The following CIITA variants were observed in gnomAD, a reference collection of about 807,000 sequenced individuals.
CIITA encodes the protein class II major histocompatibility complex transactivator, also known as MHC class II transactivator.
CIITA carries 72 observed loss-of-function variants against 115.1 expected under a neutral mutation model. The observed-to-expected ratio is 0.63, with a 90% CI of 0.52 to 0.76. CIITA has a LOEUF of 0.76. Among genes scored for constraint, CIITA ranks in the 30% least tolerant of loss-of-function variants. CIITA has a pLI of 0.00. For missense variants in CIITA, 1,617 were observed against 1,463.8 expected (o/e 1.10, Z -1.71); for synonymous variants, 763 against 635.6 (o/e 1.20, Z -3.02).
rs1596553722 is a variant in CIITA, at chr16:10,907,460, C to A, written c.1968C>A (p.Ala656=). The A allele has an allele frequency of 6.2e-7, 1 of 1,613,472 alleles. No homozygotes were observed. The highest frequency in any genetic ancestry group is 1.1e-5 in the South Asian group (1 of 91,084). Residue 656 remains alanine (A), a synonymous_variant, in exon 11 of 20, where the codon GCC becomes GCA. Transcript: ENST00000324288. This position sits in a 1 kb window ranked among gnomAD's most constrained non-coding sequence, Gnocchi z 5.0. ...GRAALDSPPG[A]LAELAKLAWE... ...CAGCCCTCGACAGCCCCCCCGGGGC[C>A]CTGGCAGAGCTGGCCAAGCTGGCCT... is the stretch of plus-strand genomic sequence containing the variant.
At chr16:10,897,363 A>G (rs1321178908) in intron 3 of CIITA, among the ~76,000 whole-genome samples, 1 of 152,144 alleles carries the variant, frequency 6.6e-6, no homozygotes, top group African/African-American at 2.4e-5. Flanking sequence ...ACAACCCATT[A>G]ACTTATTAAC....
chr16:10,927,403 G>A lies in CIITA; in HGVS notation c.*3548G>A, dbSNP rs2040575692. 1.3e-5 allele frequency: 2 copies of A among 152,254 alleles called. No homozygotes were observed. Among genetic ancestry groups the A allele is most frequent in the Non-Finnish European group, 2.9e-5 (2 of 68,060 alleles). The allele number at this position is 152,254 out of a possible 1,614,324, so 9.4% of individuals were successfully genotyped here. A position where few individuals can be genotyped will look rare whatever the true frequency, so the allele number is the denominator to read the frequency against. ...GCCCTCTGTACCCAGCAAGGCGCCT[G>A]TGTATAATAGGTGCTCAATAACATA... On this transcript the variant is annotated 3_prime_UTR_variant, in exon 20 of 20. Transcript: ENST00000324288.
At chr16:10,884,030 A>G (rs1168397703) in intron 1 of CIITA, among the ~76,000 whole-genome samples, 4 of 145,678 alleles carry the variant, frequency 2.7e-5, no homozygotes, top group African/African-American at 1.0e-4. Flanking sequence ...TGGTTTGTTT[A>G]CATGAGGGTT....
rs1379463795 is a variant in CIITA, at chr16:10,909,057, T to C, written c.2686T>C (p.Trp896Arg). The C allele has an allele frequency of 6.2e-7, 1 of 1,613,978 alleles. No individual in the cohort carries two copies. Among genetic ancestry groups the C allele is most frequent in the East Asian group, 2.2e-5 (1 of 44,896 alleles). ...TGCCTTGAGCGACACGGTGGCGCTGTGGGAGTCCCTGCAGCAGCATGGGGA... is the reference window on the plus strand; with the variant it reads ...TGCCTTGAGCGACACGGTGGCGCTGCGGGAGTCCCTGCAGCAGCATGGGGA... ...RAALSDTVAL[W>R]ESLQQHGETK... is the part of the protein sequence containing the mutation. The change falls in exon 12 of 20, where the codon TGG (tryptophan) becomes CGG (arginine). Residue 896 changes from tryptophan (W) to arginine (R), a missense_variant. Physicochemically the swap from Trp to Arg is moderately radical, Grantham distance 101. Coordinates refer to ENST00000324288, the MANE Select transcript of CIITA (RefSeq NM_000246.4).
chr16:10,893,980 T>A (rs186140599), intron 1 of CIITA, among the ~76,000 whole-genome samples: 1 of 152,092 alleles, frequency 6.6e-6, no homozygotes, highest in Non-Finnish European at 1.5e-5. Flanking sequence ...AAAATCCCTC[T>A]CTGCCAAGCC....
intron 3 of CIITA, among the ~76,000 whole-genome samples, 177 bp downstream of exon 3, chr16:10,895,941 G>T (rs1021556728): frequency 6.6e-6 from 1 of 151,992 alleles, no homozygotes; most frequent in African/African-American, 2.4e-5. Context: ...GAGGGGAGAT[G>T]GAGGCCAGTG....
chr16:10,868,870 G>A (rs2035278820), intron 1 of CIITA, among the ~76,000 whole-genome samples: 1 of 152,214 alleles, frequency 6.6e-6, no homozygotes, highest in Non-Finnish European at 1.5e-5. Context: ...GGAGCTGGGA[G>A]GGGTGCAGGG....
intron 1 of CIITA, among the ~76,000 whole-genome samples, chr16:10,893,103 C>G (rs1184794836): frequency 6.6e-6 from 1 of 152,082 alleles, no homozygotes; most frequent in African/African-American, 2.4e-5. Flanking sequence ...CACAAGACCA[C>G]AAGTCAAGGA....
chr16:10,941,465 G>A lies in CIITA; in HGVS notation n.591G>A, dbSNP rs2041100855. Reference sequence around the variant, plus strand: ...CCAGTTAGACCTGGAGGAGGTGAACGGAGGAGAAGCCTGAGGGAGGGGTGT... The same window carrying A: ...CCAGTTAGACCTGGAGGAGGTGAACAGAGGAGAAGCCTGAGGGAGGGGTGT... On this transcript the variant is annotated non_coding_transcript_exon_variant, in exon 2 of 2. Coordinates refer to the CIITA transcript ENST00000573379. The surrounding 1 kb of genome is among the most constrained non-coding windows in gnomAD (Gnocchi z 6.4). 2 of 1,168,386 alleles carry A rather than the reference G, an allele frequency of 1.7e-6. No individual in the cohort carries two copies. Among genetic ancestry groups the A allele is most frequent in the Non-Finnish European group, 2.2e-6 (2 of 902,364 alleles). The allele number at this position is 1,168,386 out of a possible 1,614,324, so 72.4% of individuals were successfully genotyped here. A position where few individuals can be genotyped will look rare whatever the true frequency, so the allele number is the denominator to read the frequency against.
intron 1 of CIITA, among the ~76,000 whole-genome samples, chr16:10,893,488 C>G (rs1176561776): frequency 6.6e-6 from 1 of 152,122 alleles, no homozygotes; most frequent in African/African-American, 2.4e-5. Context: ...GTTTTAACAG[C>G]TTTATTGAGA....
Position 10,901,452 on chromosome 16 carries a change from G to C in CIITA, c.437-62G>C. On this transcript the variant is annotated intron_variant, in intron 5 of 19. Coordinates refer to ENST00000324288, the MANE Select transcript of CIITA (RefSeq NM_000246.4). This position sits in a 1 kb window ranked among gnomAD's most constrained non-coding sequence, Gnocchi z 6.8. ...AGGCCGTATAGCCTGCTAGAGTCCT[G>C]AGCCCCTTCTGGCTTGGGACATCCT... 6.3e-7 allele frequency: 1 copy of C among 1,580,114 alleles called. No individual in the cohort carries two copies. Among genetic ancestry groups the C allele is most frequent in the Non-Finnish European group, 8.7e-7 (1 of 1,149,806 alleles).
intron 15 of CIITA, among the ~76,000 whole-genome samples, chr16:10,917,176 GA>G (rs2039998722): frequency 6.6e-6 from 1 of 152,024 alleles, no homozygotes; most frequent in Non-Finnish European, 1.5e-5. Flanking sequence ...GGATCAATGT[GA>G]TTTTTTTTCT....
Position 10,900,638 on chromosome 16 carries a change from G to T in CIITA, c.437-876G>T, listed in dbSNP as rs544072066. ...ACCTGTAATCCCAGCTACCAGGGAG[G>T]CTAGGGTGGGAGAATCGCTTGAACC... On this transcript the variant is annotated intron_variant, in intron 5 of 19. Coordinates refer to ENST00000324288, the MANE Select transcript of CIITA (RefSeq NM_000246.4). 9.9e-5 allele frequency among the ~76,000 whole-genome samples: 15 copies of T among 152,144 alleles called. No individual in the cohort carries two copies. In the South Asian group the frequency reaches 2.9e-3, roughly 29 times the overall value.
intron 1 of CIITA, among the ~76,000 whole-genome samples, chr16:10,877,992 G>T (rs2143478589): frequency 6.6e-6 from 1 of 152,310 alleles, no homozygotes; most frequent in East Asian, 1.9e-4. Flanking sequence ...GGCTGGGAAG[G>T]GTGTGCCCCT....
intron 13 of CIITA, among the ~76,000 whole-genome samples, chr16:10,912,768 C>A (rs555575409): frequency 6.6e-6 from 1 of 152,236 alleles, no homozygotes; most frequent in Non-Finnish European, 1.5e-5. Flanking sequence ...AAGATCGGAA[C>A]TGCGCTCTGG....
Position 10,902,697 on chromosome 16 carries a change from C to A in CIITA, c.668C>A (p.Pro223His). Residue 223 changes from proline to histidine, a missense_variant, in exon 8 of 20, where the codon CCT (proline) becomes CAT (histidine). Coordinates refer to ENST00000324288, the MANE Select transcript of CIITA (RefSeq NM_000246.4). ...SSSSLSCLNL[P>H]EGPIQFVPTI... ...TCCTCGTTGAGCTGCCTGAATCTCC[C>A]TGAGGGACCCATCCAGTTTGTCCCC... 1 of 1,614,266 alleles carries A rather than the reference C, an allele frequency of 6.2e-7. No homozygotes were observed. The highest frequency in any genetic ancestry group is 1.3e-5 in the African/African-American group (1 of 75,064).
chr16:10,875,491 A>T (rs2035767635), upstream of CIITA, among the ~76,000 whole-genome samples: 1 of 152,140 alleles, frequency 6.6e-6, no homozygotes, highest in African/African-American at 2.4e-5. Flanking sequence ...CCAAGGTCAC[A>T]CACCTGCTAC....
At chr16:10,894,683 A>G (rs1465686630) in intron 1 of CIITA, among the ~76,000 whole-genome samples, 1 of 152,220 alleles carries the variant, frequency 6.6e-6, no homozygotes, top group Admixed American at 6.5e-5. Flanking sequence ...TTCAGTTTAC[A>G]TATTAGGAAA....
At chr16:10,871,667 C>A (rs1048729844) in intron 1 of CIITA, among the ~76,000 whole-genome samples, 1 of 152,198 alleles carries the variant, frequency 6.6e-6, no homozygotes, top group Non-Finnish European at 1.5e-5. Flanking sequence ...AGCTGTGACA[C>A]ACCAGAGAGG....
Sources: allele counts gnomAD v4.1 joint callset (sites outside exome capture counted in the v4.1 genomes callset), GRCh38; gene constraint gnomAD v4.1.1; non-coding constraint Gnocchi (gnomAD v3.1); transcripts MANE v1.5; gene names NCBI Gene and HGNC (gene_info 2026-07-23, HGNC 2026-07-21).